DGLUCY: variants seen among roughly 807,000 people sequenced by gnomAD.
DGLUCY encodes D-glutamate cyclase.
In DGLUCY, 58 loss-of-function variants were observed where a neutral mutation model predicts 58.5. That is an observed-to-expected ratio of 0.99 (90% CI 0.80 to 1.23). The LOEUF (loss-of-function observed/expected upper bound fraction) is 1.23, where lower values mean the gene tolerates loss of function less well. Ranked by LOEUF, DGLUCY falls within the 50% of genes most tolerant of loss-of-function variation. DGLUCY has a pLI of 0.00. For missense variants in DGLUCY, 779 were observed against 784.7 expected (o/e 0.99, Z 0.09); for synonymous variants, 325 against 314.1 (o/e 1.03, Z -0.37).
chr14:91,134,339 C>T (rs186425765), intron 1 of DGLUCY, among the ~76,000 whole-genome samples: 9 of 152,152 alleles, frequency 5.9e-5, no homozygotes, highest in Non-Finnish European at 1.3e-4. Flanking sequence ...AAAGTTTTAC[C>T]ATATTTTCCA....
chr14:91,091,806 T>A (rs968243012), intron 1 of DGLUCY, among the ~76,000 whole-genome samples: 2 of 152,120 alleles, frequency 1.3e-5, no homozygotes, highest in Non-Finnish European at 2.9e-5. Flanking sequence ...GGAATGAACA[T>A]ACCCAAGTCC....
At chr14:91,179,512 G>A (rs1057109539) in intron 7 of DGLUCY, among the ~76,000 whole-genome samples, 3 of 152,126 alleles carry the variant, frequency 2.0e-5, no homozygotes, top group Admixed American at 6.5e-5. Context: ...AGCACTCTGG[G>A]AGGCTGAGAC....
chr14:91,189,215 G>A, intron 9 of DGLUCY, 45 bp downstream of exon 9: 1 of 1,607,116 alleles, frequency 6.2e-7, no homozygotes, highest in Non-Finnish European at 8.5e-7. Flanking sequence ...AACGGGCTTT[G>A]TGGACGGAGG....
chr14:91,149,647 T>G (rs1012443278), intron 1 of DGLUCY, among the ~76,000 whole-genome samples: 2 of 152,228 alleles, frequency 1.3e-5, no homozygotes, highest in African/African-American at 4.8e-5. Context: ...GAATTTGGCC[T>G]GATGGACCCG....
chr14:91,217,651 AT>A (rs577500781), intron 13 of DGLUCY, among the ~76,000 whole-genome samples: 2 of 151,194 alleles, frequency 1.3e-5, no homozygotes, highest in Non-Finnish European at 3.0e-5. Context: ...TGCCCAGCTA[AT>A]TTTTTTTGTA....
chr14:91,110,738 T>G (rs544897939), upstream of DGLUCY, among the ~76,000 whole-genome samples: 1 of 152,248 alleles, frequency 6.6e-6, no homozygotes, highest in South Asian at 2.1e-4. Context: ...GCCCGGCCAA[T>G]AGTTTGGGTT....
At chr14:91,135,653 TAAAAA>T (rs60532081) in intron 1 of DGLUCY, among the ~76,000 whole-genome samples, 1 of 100,316 alleles carries the variant, frequency 1.0e-5, no homozygotes, top group Non-Finnish European at 1.8e-5. Flanking sequence ...TCTGCCTCAT[TAAAAA>T]AAAAAAAAAA....
upstream of DGLUCY, among the ~76,000 whole-genome samples, chr14:91,105,864 T>C (rs1169062315): frequency 1.3e-5 from 2 of 152,206 alleles, no homozygotes; most frequent in African/African-American, 4.8e-5. Flanking sequence ...ATCTAGGCTA[T>C]ATGATATGGT....
Position 91,096,668 on chromosome 14 carries a change from A to C in DGLUCY, c.-82+35964A>C, listed in dbSNP as rs141075056. 5.0e-3 allele frequency among the ~76,000 whole-genome samples: 763 copies of C among 152,182 alleles called. 5 individuals are homozygous for C. The highest frequency in any genetic ancestry group is 7.2e-3 in the Non-Finnish European group (490 of 68,012). ...TCGCACTTAGGCCCATGTTCAGCTG[A>C]GTGCCTTCCCCTGCCCACCCCCCTG... On this transcript the variant is annotated intron_variant, in intron 1 of 4. Transcript: ENST00000521334.
intron 1 of DGLUCY, among the ~76,000 whole-genome samples, chr14:91,118,115 CTG>C (rs2045108219): frequency 2.6e-5 from 3 of 116,108 alleles, no homozygotes; most frequent in African/African-American, 3.3e-5. Context: ...GAGTCTCACT[CTG>C]TTGTCCAGGC....
At chr14:91,075,878 C>G (rs1445245634) in intron 1 of DGLUCY, among the ~76,000 whole-genome samples, 1 of 152,084 alleles carries the variant, frequency 6.6e-6, no homozygotes, top group East Asian at 1.9e-4. Context: ...TTTGGGAGGC[C>G]CAGGTGGGCA....
chr14:91,224,820 C>T lies in DGLUCY; in HGVS notation c.1853C>T (p.Thr618Met), dbSNP rs35798893. 1.8e-3 allele frequency: 2,853 copies of T among 1,612,486 alleles called. 50 individuals are homozygous for T. The African/African-American group carries it at 0.032, about 18-fold the overall frequency. The stretch of plus-strand genomic sequence containing the variant: ...ATCCAGAAGCTGGTGGACGTCACCA[C>T]GGCACAGGTGTAACCGTCCATGTTC... ...EMIQKLVDVT[T>M]AQV is the part of the protein sequence containing the mutation. Residue 618 changes from threonine (T) to methionine (M), a missense_variant, in exon 14 of 14, where the codon ACG becomes ATG. Thr to Met is a moderately conservative substitution (Grantham distance 81). Transcript: ENST00000256324.
intron 10 of DGLUCY, among the ~76,000 whole-genome samples, 160 bp from the exon 11 acceptor site, chr14:91,199,597 C>A (rs924679059): frequency 1.3e-5 from 2 of 152,124 alleles, no homozygotes; most frequent in African/African-American, 4.8e-5. Flanking sequence ...GTCTCCAGCA[C>A]AGGTCCTGGC....
intron 8 of DGLUCY, 117 bp downstream of exon 8, chr14:91,181,506 T>G: frequency 9.6e-7 from 1 of 1,036,440 alleles, no homozygotes; most frequent in South Asian, 1.6e-5. Context: ...CACAGGATGA[T>G]TTTTTAAATG....
At chr14:91,086,174 T>C (rs1335105775) in intron 1 of DGLUCY, among the ~76,000 whole-genome samples, 1 of 152,210 alleles carries the variant, frequency 6.6e-6, no homozygotes, top group African/African-American at 2.4e-5. Context: ...GATGGAACTG[T>C]CTAGTTGCAG....
intron 5 of DGLUCY, among the ~76,000 whole-genome samples, chr14:91,173,007 AT>A (rs1369370874): frequency 6.6e-6 from 1 of 152,016 alleles, no homozygotes; most frequent in East Asian, 1.9e-4. Context: ...AATCCTGTGC[AT>A]TTTCTTGTAT....
upstream of DGLUCY, among the ~76,000 whole-genome samples, chr14:91,106,746 G>A (rs993404660): frequency 1.3e-5 from 2 of 151,662 alleles, no homozygotes; most frequent in South Asian, 2.1e-4. Flanking sequence ...TATTGAAGGC[G>A]AAATTTCAAA....
At chr14:91,220,272 G>A (rs772210729) in intron 13 of DGLUCY, among the ~76,000 whole-genome samples, 7 of 152,232 alleles carry the variant, frequency 4.6e-5, no homozygotes, top group East Asian at 1.9e-4. Flanking sequence ...GAGTGGGGCC[G>A]TAACAGATCT....
intron 11 of DGLUCY, among the ~76,000 whole-genome samples, chr14:91,201,379 A>T (rs1226499261): frequency 6.6e-6 from 1 of 151,596 alleles, no homozygotes; most frequent in Non-Finnish European, 1.5e-5. Flanking sequence ...GCTCACTGCA[A>T]CCTCCGCCTC....
Sources: gnomAD v4.1 joint callset for allele counts (sites outside exome capture counted in the v4.1 genomes callset) on GRCh38, gnomAD v4.1.1 for gene constraint, MANE v1.5 for transcripts, NCBI Gene and HGNC (gene_info 2026-07-23, HGNC 2026-07-21) for gene names.